The following EXD2 variants were observed in gnomAD, a reference collection of about 807,000 sequenced individuals.
EXD2 encodes the protein exonuclease 3'-5' domain-containing protein 2.
EXD2 carries 40 observed loss-of-function variants against 62.5 expected under a neutral mutation model. The ratio of observed to expected loss-of-function variants is 0.64; its 90% confidence interval spans 0.50 to 0.83. The LOEUF (loss-of-function observed/expected upper bound fraction) is 0.83, where lower values mean the gene tolerates loss of function less well. Among genes scored for constraint, EXD2 ranks in the 40% least tolerant of loss-of-function variants. The pLI, the probability that EXD2 is intolerant of heterozygous loss-of-function variation, is 0.00. For missense variants in EXD2, 671 were observed against 761.8 expected, an observed-to-expected ratio of 0.88 and a Z score of 1.40; for synonymous variants, 239 against 291.9, an observed-to-expected ratio of 0.82 and a Z score of 1.85.
At chr14:69,218,614 C>G (rs931209267) in intron 3 of EXD2, among the ~76,000 whole-genome samples, 1 of 152,046 alleles carries the variant, frequency 6.6e-6, no homozygotes, top group Admixed American at 6.6e-5. Context: ...TGCCTATGTC[C>G]TGGCATGGAC....
At chr14:69,224,700 G>A (rs1594766001) in intron 3 of EXD2, among the ~76,000 whole-genome samples, 2 of 152,112 alleles carry the variant, frequency 1.3e-5, no homozygotes, top group Admixed American at 1.3e-4. Context: ...AATGCAGATG[G>A]CCAGGTGCAG....
chr14:69,240,085 C>A (rs951502327), intron 9 of EXD2, among the ~76,000 whole-genome samples: 2 of 152,096 alleles, frequency 1.3e-5, no homozygotes, highest in Non-Finnish European at 2.9e-5. Context: ...TCTGCAGATA[C>A]CCAGAGACGC....
chr14:69,220,392 T>C (rs1040412884), intron 3 of EXD2, among the ~76,000 whole-genome samples: 3 of 145,112 alleles, frequency 2.1e-5, no homozygotes, highest in Admixed American at 1.4e-4. Flanking sequence ...TGCCTCAGCC[T>C]CCCGAGTAGC....
At chr14:69,220,031 A>T (rs980910040) in intron 3 of EXD2, among the ~76,000 whole-genome samples, 18 of 151,578 alleles carry the variant, frequency 1.2e-4, no homozygotes, top group Admixed American at 3.3e-4. Flanking sequence ...TTTTTTTTTT[A>T]AATCATGAAT....
chr14:69,236,991 C>T (rs2043816423), intron 8 of EXD2, among the ~76,000 whole-genome samples: 1 of 152,238 alleles, frequency 6.6e-6, no homozygotes, highest in African/African-American at 2.4e-5. Flanking sequence ...CTGCCGACTA[C>T]GTCTGAGTGC....
chr14:69,229,275 C>T lies in EXD2; in HGVS notation c.590+203C>T, dbSNP rs1199875015. 2.0e-5 allele frequency among the ~76,000 whole-genome samples: 3 copies of T among 152,182 alleles called. No individual in the cohort carries two copies. The East Asian group carries it at 5.8e-4, about 29-fold the overall frequency. ...CTAGAATTAGCCTTTTTAGATCAAA[C>T]ATTACTGAGGGATCTCTGTAAGCTA... is the stretch of plus-strand genomic sequence containing the variant. On this transcript the variant is annotated intron_variant, in intron 4 of 9. Transcript: ENST00000685843.
intron 1 of EXD2, among the ~76,000 whole-genome samples, chr14:69,192,290 A>C (rs944131951): frequency 6.6e-6 from 1 of 152,206 alleles, no homozygotes; most frequent in African/African-American, 2.4e-5. Context: ...CAAAATTGAA[A>C]TTATACTTTA....
intron 2 of EXD2, among the ~76,000 whole-genome samples, chr14:69,204,208 C>A (rs2042505734): frequency 6.6e-6 from 1 of 152,166 alleles, no homozygotes; most frequent in Non-Finnish European, 1.5e-5. Flanking sequence ...TTTCTAATTA[C>A]AAATATGTAC....
chr14:69,196,776 C>T (rs1256843947), intron 1 of EXD2, among the ~76,000 whole-genome samples: 3 of 145,094 alleles, frequency 2.1e-5, no homozygotes, highest in Non-Finnish European at 4.5e-5. Flanking sequence ...GGCACACTAC[C>T]ACTCCTGGCC....
chr14:69,241,127 A>C lies in EXD2; in HGVS notation c.*27A>C, dbSNP rs746641629. ...AGCTGCTTTCCTCCCAGTTAGGACA[A>C]GTGGGAAGCTGGAGCCAAGGTTGAA... On this transcript the variant is annotated 3_prime_UTR_variant, in exon 10 of 10. Transcript: ENST00000685843. 1.1e-5 allele frequency: 18 copies of C among 1,601,124 alleles called. No homozygotes were observed. The highest frequency in any genetic ancestry group is 1.5e-5 in the Non-Finnish European group (18 of 1,172,456).
At chr14:69,199,335 GA>G (rs2042311463) in intron 1 of EXD2, among the ~76,000 whole-genome samples, 2 of 152,216 alleles carry the variant, frequency 1.3e-5, no homozygotes, top group Non-Finnish European at 2.9e-5. Flanking sequence ...ACCTGTGAGT[GA>G]GTGGTGGGTG....
At chr14:69,210,404 T>C (rs907996809) in intron 3 of EXD2, among the ~76,000 whole-genome samples, 5 of 152,336 alleles carry the variant, frequency 3.3e-5, no homozygotes, top group Middle Eastern at 3.4e-3. Context: ...TTTCACCATA[T>C]GGGCATAACT....
chr14:69,214,097 T>G (rs1441281521), intron 3 of EXD2: 1 of 152,208 alleles, frequency 6.6e-6, no homozygotes, highest in Middle Eastern at 3.2e-3. Flanking sequence ...TTTATCATTT[T>G]CAGGATAGTA....
chr14:69,221,952 G>C (rs750006949), intron 3 of EXD2, among the ~76,000 whole-genome samples: 76 of 149,854 alleles, frequency 5.1e-4, no homozygotes, highest in Non-Finnish European at 4.4e-4. Context: ...GCCAGGCGTG[G>C]TGGTGCGCAC....
At chr14:69,208,870 G>C (rs1309981047) in intron 2 of EXD2, 2 of 152,208 alleles carry the variant, frequency 1.3e-5, no homozygotes, top group African/African-American at 4.8e-5. Context: ...GCAACAGAAA[G>C]TGTTGAGTCA....
intron 1 of EXD2, among the ~76,000 whole-genome samples, chr14:69,201,672 G>GTTTTTTGTTTTTTTTTTTTTTTTTTT (rs2042402768): frequency 1.7e-5 from 1 of 59,022 alleles, no homozygotes; most frequent in African/African-American, 6.8e-5. Flanking sequence ...TGTTTTCTCT[G>GTTTTTTGTTTTTTTTTTTTTTTTTTT]TTTTTTTTTT....
rs1455550966 is a variant in EXD2 at position 69,209,607 on chromosome 14, A to G, written c.137A>G (p.Lys46Arg). 3 of 1,550,460 alleles carry G rather than the reference A, an allele frequency of 1.9e-6. No homozygotes were observed. The highest frequency in any genetic ancestry group is 3.9e-5 in the Admixed American group (2 of 50,970). ...TSPVTQQPQQ[K>R]VLGSRELPPP... is the part of the protein sequence containing the mutation. ...CCTGTGACCCAACAGCCACAGCAGAAAGTGCTGGGCAGTAGAGAGCTGCCC... is the reference window on the plus strand; with the variant it reads ...CCTGTGACCCAACAGCCACAGCAGAGAGTGCTGGGCAGTAGAGAGCTGCCC... Residue 46 changes from lysine (K) to arginine (R), a missense_variant, in exon 3 of 10, where the codon AAA becomes AGA. Lys to Arg is a conservative substitution (Grantham distance 26). Transcript: ENST00000685843.
At chr14:69,196,637 T>C (rs1029142855) in intron 1 of EXD2, among the ~76,000 whole-genome samples, 3 of 151,740 alleles carry the variant, frequency 2.0e-5, no homozygotes, top group Non-Finnish European at 1.5e-5. Flanking sequence ...TTTTTTTTTT[T>C]TTGAGAGACA....
intron 6 of EXD2, chr14:69,235,630 A>G (rs2043755248): frequency 7.4e-6 from 2 of 271,204 alleles, no homozygotes; most frequent in African/African-American, 4.6e-5. Context: ...AAATTGAAGG[A>G]AGTGTTACTG....
Sources: gnomAD v4.1 joint callset for allele counts (sites outside exome capture counted in the v4.1 genomes callset) on GRCh38, gnomAD v4.1.1 for gene constraint, MANE v1.5 for transcripts, NCBI Gene and HGNC (gene_info 2026-07-23, HGNC 2026-07-21) for gene names.